NALCN: variants seen among roughly 807,000 people sequenced by gnomAD.
The protein encoded by NALCN is sodium leak channel, non-selective.
A neutral mutation model predicts 225.3 loss-of-function variants in NALCN; 111 were observed. The observed-to-expected ratio is 0.49, with a 90% CI of 0.42 to 0.58. The LOEUF is 0.58. Among genes scored for constraint, NALCN ranks in the 20% least tolerant of loss-of-function variants. The pLI is 0.00. For synonymous variants in NALCN, 764 were observed against 769.0 expected, an observed-to-expected ratio of 0.99 and a Z score of 0.11; for missense variants, 1,378 against 2,202.4, an observed-to-expected ratio of 0.63 and a Z score of 7.49.
chr13:101,160,067 G>A (rs1008975658), intron 15 of NALCN, among the ~76,000 whole-genome samples: 12 of 152,100 alleles, frequency 7.9e-5, no homozygotes, highest in Admixed American at 2.6e-4. Context: ...CGATTCTACT[G>A]CCTCAGCCTC....
chr13:101,069,747 T>C (rs1237745625), intron 37 of NALCN, among the ~76,000 whole-genome samples: 1 of 152,216 alleles, frequency 6.6e-6, no homozygotes, highest in Non-Finnish European at 1.5e-5. Flanking sequence ...ACATTATAAA[T>C]CCTTTGTTGT....
intron 11 of NALCN, among the ~76,000 whole-genome samples, chr13:101,257,059 G>A (rs942922551): frequency 1.2e-4 from 18 of 152,078 alleles, no homozygotes; most frequent in Admixed American, 5.2e-4. Context: ...CACCATACCC[G>A]ACCTTCTCTC....
intron 17 of NALCN, among the ~76,000 whole-genome samples, chr13:101,125,131 A>G (rs1462993641): frequency 1.3e-5 from 2 of 152,172 alleles, no homozygotes; most frequent in Non-Finnish European, 2.9e-5. Flanking sequence ...TGGGCATTCA[A>G]GATCTCTTCC....
chr13:101,078,009 CA>C (rs1401764837), intron 34 of NALCN, among the ~76,000 whole-genome samples: 1 of 152,234 alleles, frequency 6.6e-6, no homozygotes, highest in Non-Finnish European at 1.5e-5. Flanking sequence ...GCTGATGCTT[CA>C]AAGAGTGCAA....
intron 17 of NALCN, among the ~76,000 whole-genome samples, chr13:101,131,001 A>T (rs1311419935): frequency 6.6e-6 from 1 of 152,010 alleles, no homozygotes; most frequent in African/African-American, 2.4e-5. Flanking sequence ...TTTTCTTGCA[A>T]ATCATTTTCA....
Position 101,106,258 on chromosome 13 carries a change from C to T in NALCN, c.2579+1229G>A, listed in dbSNP as rs2035093907. On this transcript the variant is annotated intron_variant, in intron 22 of 43. Transcript: ENST00000251127. The stretch of plus-strand genomic sequence containing the variant: ...CCCTAATGATCTCATTTTAATTAAC[C>T]TGTTTAAAATTCCTATTTCCAAATA... Among the ~76,000 whole-genome samples the T allele has an allele frequency of 3.3e-5, 5 of 152,120 alleles. No individual in the cohort carries two copies. The South Asian group carries it at 1.0e-3, about 32-fold the overall frequency.
intron 3 of NALCN, among the ~76,000 whole-genome samples, chr13:101,390,126 A>G (rs1204965192): frequency 1.3e-5 from 2 of 152,118 alleles, no homozygotes; most frequent in East Asian, 1.9e-4. Context: ...AAACGTATAA[A>G]CAGAAAATAA....
intron 3 of NALCN, among the ~76,000 whole-genome samples, chr13:101,386,010 A>G (rs1220642966): frequency 2.6e-5 from 4 of 152,222 alleles, no homozygotes; most frequent in Non-Finnish European, 4.4e-5. Flanking sequence ...ATTCAATAAA[A>G]TATGGTGGAT....
At chr13:101,289,166 C>T (rs186673370) in intron 9 of NALCN, among the ~76,000 whole-genome samples, 10 of 152,280 alleles carry the variant, frequency 6.6e-5, no homozygotes, top group Admixed American at 5.9e-4. Flanking sequence ...GAGCACAAGG[C>T]AATAGTTACC....
At chr13:101,298,817 C>T (rs760586906) in intron 7 of NALCN, among the ~76,000 whole-genome samples, 10 of 152,292 alleles carry the variant, frequency 6.6e-5, no homozygotes, top group Non-Finnish European at 1.3e-4. Flanking sequence ...TCCCTGCAAC[C>T]CCCAACCAAA....
intron 10 of NALCN, among the ~76,000 whole-genome samples, chr13:101,281,201 C>G (rs937662543): frequency 1.9e-4 from 29 of 152,254 alleles, no homozygotes; most frequent in African/African-American, 6.7e-4. Flanking sequence ...CTTCCCTGAC[C>G]TCTCAAAGCG....
At chr13:101,343,845 C>T (rs1005163593) in intron 7 of NALCN, among the ~76,000 whole-genome samples, 5 of 152,134 alleles carry the variant, frequency 3.3e-5, no homozygotes, top group African/African-American at 9.7e-5. Context: ...TATAATGCTG[C>T]ATTTTGAATT....
intron 7 of NALCN, among the ~76,000 whole-genome samples, chr13:101,336,572 C>G (rs1285652015): frequency 6.6e-6 from 1 of 152,156 alleles, no homozygotes; most frequent in African/African-American, 2.4e-5. Flanking sequence ...CATCCAAAAT[C>G]CACATGTTAA....
chr13:101,142,983 G>C (rs767102717), intron 17 of NALCN, 97 bp downstream of exon 17: 1 of 1,402,276 alleles, frequency 7.1e-7, no homozygotes, highest in East Asian at 2.3e-5. Flanking sequence ...TTATTCTCTT[G>C]AGAAATTGGA....
chr13:101,332,999 CTGTT>C (rs1379370407), intron 7 of NALCN, among the ~76,000 whole-genome samples: 3 of 152,136 alleles, frequency 2.0e-5, no homozygotes, highest in African/African-American at 7.2e-5. Context: ...TTTAATATCT[CTGTT>C]TGAGGGCTGT....
Position 101,192,971 on chromosome 13 carries a change from A to AG in NALCN, c.1627-918dup, listed in dbSNP as rs2039742243. On this transcript the variant is annotated intron_variant, in intron 13 of 43. Coordinates refer to ENST00000251127, the MANE Select transcript of NALCN (RefSeq NM_052867.4). ...CGATAAAGACATAAATTGAATTCTC[A>AG]GATATTGGGATTCCAATAAATAAAG... Among the ~76,000 whole-genome samples the AG allele has an allele frequency of 2.0e-5, 3 of 152,318 alleles. No individual in the cohort carries two copies. The South Asian group carries it at 6.2e-4, about 32-fold the overall frequency.
chr13:101,206,356 C>G (rs946189965), intron 13 of NALCN, among the ~76,000 whole-genome samples: 31 of 151,960 alleles, frequency 2.0e-4, no homozygotes, highest in Non-Finnish European at 5.9e-5. Context: ...AGCCACACTT[C>G]TAATAGTGCT....
chr13:101,105,673 C>T (rs79746356), intron 22 of NALCN, among the ~76,000 whole-genome samples: 5,835 of 152,224 alleles, frequency 0.038, 369 homozygotes, highest in African/African-American at 0.13. Context: ...AATCAATCTC[C>T]AAAATGGCAT....
chr13:101,295,330 G>C (rs1465314316), intron 7 of NALCN, among the ~76,000 whole-genome samples: 1 of 152,084 alleles, frequency 6.6e-6, no homozygotes, highest in Non-Finnish European at 1.5e-5. Context: ...CTAGGTTTTT[G>C]AATGAAACCA....
Sources: gnomAD v4.1 joint callset for allele counts (sites outside exome capture counted in the v4.1 genomes callset) on GRCh38, gnomAD v4.1.1 for gene constraint, MANE v1.5 for transcripts, NCBI Gene and HGNC (gene_info 2026-07-23, HGNC 2026-07-21) for gene names.